The following MRM2 variants were observed in gnomAD, a reference collection of about 807,000 sequenced individuals.
MRM2 encodes mitochondrial rRNA methyltransferase 2, also known as rRNA methyltransferase 2, mitochondrial.
A neutral mutation model predicts 10.9 loss-of-function variants in MRM2; 15 were observed. That is an observed-to-expected ratio of 1.37 (90% confidence interval 0.92 to 2.11). The LOEUF (loss-of-function observed/expected upper bound fraction) is 2.11. MRM2 is among the 30% of genes most tolerant of loss of function. MRM2 has a pLI of 0.00. For synonymous variants in MRM2, 139 were observed against 128.7 expected (o/e 1.08, Z -0.54); for missense variants, 328 against 321.3 (o/e 1.02, Z -0.16).
chr7:2,239,747 C>T, intron 1 of MRM2, 40 bp from the exon 2 acceptor site: 1 of 1,580,776 alleles, frequency 6.3e-7, no homozygotes, highest in Non-Finnish European at 8.6e-7. Flanking sequence ...TGGCATCACA[C>T]AGAACGGCAG....
intron 1 of MRM2, among the ~76,000 whole-genome samples, chr7:2,240,011 G>A (rs1443751477): frequency 2.0e-5 from 3 of 152,124 alleles, no homozygotes; most frequent in South Asian, 2.1e-4. Context: ...TCAGGATTTC[G>A]AGACCAGCCT....
chr7:2,239,074 C>A (rs573131029), intron 2 of MRM2: 2 of 719,838 alleles, frequency 2.8e-6, no homozygotes, highest in Admixed American at 1.8e-5. Flanking sequence ...CTCCAATAGG[C>A]TGCAAATTAG....
intron 1 of MRM2, chr7:2,241,925 GCCGCCGGCCCCGGCCTCCCCACGGCC>G (rs1393777824): frequency 2.6e-5 from 12 of 464,262 alleles, no homozygotes; most frequent in Non-Finnish European, 3.8e-5. Context: ...CCTGGACTCC[GCCGCCGGCCCCGGCCTCCCCACGGCC>G]CCGCCGGCCC....
rs749092833 is a variant in MRM2 at position 2,242,199 on chromosome 7, C to G, written c.-30G>C. ...GTTCCCCGCGCCTGCAGCGCGCCGC[C>G]GGAAGTGCCTGGCCTCACTTCCGGT... On this transcript the variant is annotated 5_prime_UTR_variant, in exon 1 of 3. Coordinates refer to ENST00000242257, the MANE Select transcript of MRM2 (RefSeq NM_013393.3). The G allele has an allele frequency of 2.5e-6, 4 of 1,570,252 alleles. No homozygotes were observed. Among genetic ancestry groups the G allele is most frequent in the African/African-American group, 1.4e-5 (1 of 72,308 alleles).
At position 2,239,749 on chromosome 7, in the gene MRM2, G is replaced by C. The variant is rs142191158; in HGVS notation, c.9-42C>G. 403 of 1,576,318 alleles carry C rather than the reference G, an allele frequency of 2.6e-4. 4 individuals carry two copies. The African/African-American group carries it at 4.9e-3, about 19-fold the overall frequency. On this transcript the variant is annotated intron_variant, in intron 1 of 2. Transcript: ENST00000242257. ...GGAGCAGGCAGGTTGGCATCACACAGAACGGCAGGTCATGAGCTGGGAGGG... is the reference window on the plus strand; with the variant it reads ...GGAGCAGGCAGGTTGGCATCACACACAACGGCAGGTCATGAGCTGGGAGGG...
intron 2 of MRM2, among the ~76,000 whole-genome samples, chr7:2,237,793 T>C (rs1026900184): frequency 3.4e-5 from 5 of 147,964 alleles, no homozygotes; most frequent in African/African-American, 1.3e-4. Flanking sequence ...CATACAAAAA[T>C]TAGCCGGAAA....
intron 1 of MRM2, 78 bp downstream of exon 1, chr7:2,242,083 GC>G: frequency 6.8e-7 from 1 of 1,480,496 alleles, no homozygotes; most frequent in Non-Finnish European, 9.2e-7. Flanking sequence ...CAGCCCCGAG[GC>G]CAGGACCGAG....
At chr7:2,240,290 A>C (rs544901985) in intron 1 of MRM2, 7 of 456,172 alleles carry the variant, frequency 1.5e-5, no homozygotes, top group South Asian at 9.3e-5. Context: ...AAAAATGTTC[A>C]TTGGGCTCTG....
At position 2,239,677 on chromosome 7, in the gene MRM2, C is replaced by T. The variant is rs1440562958; in HGVS notation, c.39G>A (p.Gln13=). The change falls in exon 2 of 3, where the codon CAG becomes CAA. Residue 13 remains glutamine, a synonymous_variant. Coordinates refer to ENST00000242257, the MANE Select transcript of MRM2 (RefSeq NM_013393.3). ...TCCCAACAGTGTGGAACCCTTGACG[C>T]TGAAAGGAAACACACACCAGCTTCA... ...GYLKLVCVSF[Q]RQGFHTVGSR... 3 of 1,613,594 alleles carry T rather than the reference C, an allele frequency of 1.9e-6. No homozygotes were observed. Among genetic ancestry groups the T allele is most frequent in the East Asian group, 4.5e-5 (2 of 44,870 alleles).
intron 1 of MRM2, among the ~76,000 whole-genome samples, chr7:2,241,822 C>A (rs1794548740): frequency 6.6e-6 from 1 of 152,250 alleles, no homozygotes; most frequent in Non-Finnish European, 1.5e-5. Flanking sequence ...GCCCAGGAAG[C>A]GCGGGCAATG....
intron 2 of MRM2, among the ~76,000 whole-genome samples, chr7:2,237,294 G>A (rs189400482): frequency 5.8e-4 from 88 of 152,294 alleles, no homozygotes; most frequent in African/African-American, 2.0e-3. Context: ...CACTGCGCCC[G>A]GCCTCACGCC....
At chr7:2,236,810 G>A (rs574293976) in intron 2 of MRM2, among the ~76,000 whole-genome samples, 2 of 152,176 alleles carry the variant, frequency 1.3e-5, no homozygotes, top group East Asian at 1.9e-4. Context: ...ACAGAACTAC[G>A]GCCCTCCTCA....
chr7:2,239,679 G>A lies in MRM2; in HGVS notation c.37C>T (p.Gln13Ter), dbSNP rs746259393. ...GYLKLVCVSFQRQGFHTVGSR... is the reference protein window; with the variant it reads ...GYLKLVCVSF ...CCAACAGTGTGGAACCCTTGACGCT[G>A]AAAGGAAACACACACCAGCTTCAAG... The change falls in exon 2 of 3, where the codon CAG becomes TAG. Residue 13 changes from glutamine (Q) to a stop codon, truncating the protein, a stop_gained. Transcript: ENST00000242257. LOFTEE classifies it high-confidence loss of function. 11 of 1,613,444 alleles carry A rather than the reference G, an allele frequency of 6.8e-6. No homozygotes were observed. The East Asian group carries it at 2.5e-4, about 36-fold the overall frequency.
At chr7:2,238,048 A>T (rs148127028) in intron 2 of MRM2, 4 of 152,278 alleles carry the variant, frequency 2.6e-5, no homozygotes, top group African/African-American at 9.6e-5. Context: ...GTGCAGATCC[A>T]GGGGGCCAGC....
rs140786443 is a variant in MRM2, at chr7:2,235,401, G to C, written c.462C>G (p.Asp154Glu). The change falls in exon 3 of 3, where the codon GAC becomes GAG. Residue 154 changes from aspartate (D) to glutamate (E), a missense_variant. By Grantham distance (45) the Asp-to-Glu change is conservative. Transcript: ENST00000242257. ...GGAACCCTGTGGCATTGGGCGCCAT[G>C]TCGCTCAGAATCACATCTGCTCTCC... Reference protein sequence around the residue: ...PGRRADVILSDMAPNATGFRD... With the variant: ...PGRRADVILSEMAPNATGFRD... 1.2e-6 allele frequency: 2 copies of C among 1,614,002 alleles called. No individual in the cohort carries two copies. Among genetic ancestry groups the C allele is most frequent in the African/African-American group, 2.7e-5 (2 of 74,918 alleles).
At chr7:2,238,964 A>T (rs1387796480) in intron 2 of MRM2, 1 of 177,138 alleles carries the variant, frequency 5.6e-6, no homozygotes, top group Non-Finnish European at 1.0e-5. Context: ...AACAAAAATA[A>T]TAACAATAAT....
chr7:2,240,908 C>G (rs1794517676), intron 1 of MRM2, among the ~76,000 whole-genome samples: 1 of 152,216 alleles, frequency 6.6e-6, no homozygotes, highest in African/African-American at 2.4e-5. Flanking sequence ...GTTGGCCAGG[C>G]TGGTCTCAAA....
At chr7:2,235,800 T>C (rs1359039934) in intron 2 of MRM2, among the ~76,000 whole-genome samples, 1 of 152,228 alleles carries the variant, frequency 6.6e-6, no homozygotes, top group African/African-American at 2.4e-5. Flanking sequence ...GTGACTGTCC[T>C]AGAGTCATCC....
chr7:2,235,612 T>C, intron 2 of MRM2, 48 bp from the exon 3 acceptor site: 1 of 1,319,886 alleles, frequency 7.6e-7, no homozygotes, highest in Non-Finnish European at 1.1e-6. Flanking sequence ...CCTGAATCTT[T>C]TTACAAAAAT....
Sources: allele counts gnomAD v4.1 joint callset (sites outside exome capture counted in the v4.1 genomes callset), GRCh38; gene constraint gnomAD v4.1.1; transcripts MANE v1.5; gene names NCBI Gene and HGNC (gene_info 2026-07-23, HGNC 2026-07-21).